The following TASP1 variants were observed in gnomAD, a reference collection of about 807,000 sequenced individuals.
TASP1 encodes taspase 1.
Under a neutral mutation model 56.6 loss-of-function variants are expected in TASP1, and 16 were observed. The observed-to-expected ratio is 0.28, with a 90% CI of 0.19 to 0.43. The LOEUF is 0.43. TASP1 is among the 20% of genes least tolerant of loss of function. The probability of loss-of-function intolerance (pLI) is 1.00; values close to 1 mark genes in which losing one functional copy is unlikely to be tolerated. For missense variants in TASP1, 393 were observed against 511.6 expected (o/e 0.77, Z 2.24); for synonymous variants, 179 against 184.2 (o/e 0.97, Z 0.23).
At chr20:13,164,794 T>G in the TASP1 span, 2 of 1,613,856 alleles carry the variant, frequency 1.2e-6, no homozygotes, top group Non-Finnish European at 1.7e-6. Flanking sequence ...CTCTTGCAAC[T>G]GAAATATTCC....
At chr20:13,214,180 G>A in the TASP1 span, among the ~76,000 whole-genome samples, 3 of 152,162 alleles carry the variant, frequency 2.0e-5, no homozygotes, top group African/African-American at 4.8e-5. Context: ...TGATGTAGGA[G>A]GATCTCCTTA....
At chr20:13,288,776 C>A in the TASP1 span, 5 of 1,298,050 alleles carry the variant, frequency 3.9e-6, no homozygotes, top group Non-Finnish European at 4.3e-6. Flanking sequence ...TTAAAAGATG[C>A]ACTACTTTTC....
the TASP1 span, among the ~76,000 whole-genome samples, chr20:13,308,772 A>G: frequency 6.6e-6 from 1 of 152,214 alleles, no homozygotes; most frequent in Non-Finnish European, 1.5e-5. Context: ...CCTAACCCCC[A>G]AAGTTATGAT....
the TASP1 span, among the ~76,000 whole-genome samples, chr20:13,107,870 T>C: frequency 1.3e-5 from 2 of 152,126 alleles, no homozygotes; most frequent in African/African-American, 4.8e-5. Flanking sequence ...TAAGGCTTTA[T>C]ATATTTGAAT....
At chr20:13,410,820 C>T (rs2327755) in intron 13 of TASP1, among the ~76,000 whole-genome samples, 15,837 of 152,030 alleles carry the variant, frequency 0.1, 1,642 homozygotes, top group African/African-American at 0.27. Flanking sequence ...TGAAGCAGCT[C>T]TTTAGTTTAA....
chr20:13,429,829 G>C (rs1163358911), intron 12 of TASP1, among the ~76,000 whole-genome samples: 1 of 152,264 alleles, frequency 6.6e-6, no homozygotes, highest in South Asian at 2.1e-4. Flanking sequence ...GTGTCCTTCT[G>C]ATCTTGGGAT....
At chr20:13,564,515 A>T (rs74637253) in intron 7 of TASP1, among the ~76,000 whole-genome samples, 3,111 of 152,032 alleles carry the variant, frequency 0.02, 108 homozygotes, top group African/African-American at 0.07. Context: ...ACTAAAAGCA[A>T]TCTACAGATT....
At chr20:13,293,560 C>T in the TASP1 span, among the ~76,000 whole-genome samples, 1 of 151,918 alleles carries the variant, frequency 6.6e-6, no homozygotes, top group South Asian at 2.1e-4. Context: ...AAAAATGTTC[C>T]TCAAATGCCT....
rs538220788 is a variant in TASP1 at position 13,394,387 on chromosome 20, G to A, written c.1171-3935C>T. Among the ~76,000 whole-genome samples the A allele has an allele frequency of 3.4e-3, 516 of 150,926 alleles. 5 individuals carry two copies. Among genetic ancestry groups the A allele is most frequent in the South Asian group, 0.019 (91 of 4,764 alleles). On this transcript the variant is annotated intron_variant, in intron 13 of 13. Coordinates refer to ENST00000337743, the MANE Select transcript of TASP1 (RefSeq NM_017714.3). Reference sequence around the variant, plus strand: ...GCACTTTGGGAGGCCAAGGCGGGCGGATCACGAGGTCAGGAGTTTGAGACC... The same window carrying A: ...GCACTTTGGGAGGCCAAGGCGGGCGAATCACGAGGTCAGGAGTTTGAGACC...
chr20:13,338,561 T>C, the TASP1 span, among the ~76,000 whole-genome samples: 1 of 152,190 alleles, frequency 6.6e-6, no homozygotes, highest in African/African-American at 2.4e-5. Flanking sequence ...ACATACAGTA[T>C]AATAAGTCCT....
chr20:13,583,140 T>A (rs894041358), intron 5 of TASP1, among the ~76,000 whole-genome samples: 1 of 152,306 alleles, frequency 6.6e-6, no homozygotes, highest in South Asian at 2.1e-4. Context: ...CTCAGCCCCA[T>A]AGGCACACAT....
chr20:13,263,093 C>T, the TASP1 span, among the ~76,000 whole-genome samples: 3 of 152,138 alleles, frequency 2.0e-5, no homozygotes, highest in African/African-American at 4.8e-5. Flanking sequence ...TACGTATGGC[C>T]GTTTCCCCTC....
the TASP1 span, among the ~76,000 whole-genome samples, chr20:13,197,868 T>C: frequency 3.5e-3 from 528 of 152,350 alleles, 4 homozygotes; most frequent in African/African-American, 0.012. Flanking sequence ...TTAACCTTTA[T>C]CTGTTTATGT....
intron 4 of TASP1, among the ~76,000 whole-genome samples, chr20:13,618,684 A>G (rs941650582): frequency 1.7e-4 from 26 of 152,328 alleles, no homozygotes; most frequent in African/African-American, 6.3e-4. Context: ...GCATTTGGAC[A>G]AGAAACGAGT....
At chr20:13,553,150 T>C (rs1238010420) in intron 8 of TASP1, among the ~76,000 whole-genome samples, 2 of 152,274 alleles carry the variant, frequency 1.3e-5, no homozygotes, top group South Asian at 4.1e-4. Flanking sequence ...TGCTATGTTA[T>C]CCAGGCTGGT....
At chr20:13,185,545 G>A in the TASP1 span, among the ~76,000 whole-genome samples, 1 of 152,034 alleles carries the variant, frequency 6.6e-6, no homozygotes, top group Admixed American at 6.6e-5. Context: ...TGGAATAATG[G>A]CAGAATTGTC....
chr20:13,247,026 A>C, the TASP1 span, among the ~76,000 whole-genome samples: 1 of 152,084 alleles, frequency 6.6e-6, no homozygotes, highest in Non-Finnish European at 1.5e-5. Context: ...ACCTGAGATC[A>C]GGAGTTAGAG....
the TASP1 span, among the ~76,000 whole-genome samples, chr20:13,169,720 G>A: frequency 6.6e-5 from 10 of 152,000 alleles, no homozygotes; most frequent in South Asian, 4.2e-4. Context: ...TTAAACATAC[G>A]TAAAATCGAA....
At chr20:13,442,315 C>A (rs2043245551) in intron 11 of TASP1, among the ~76,000 whole-genome samples, 1 of 150,792 alleles carries the variant, frequency 6.6e-6, no homozygotes, top group African/African-American at 2.5e-5. Flanking sequence ...CACACACACA[C>A]CACACACATA....
Sources: allele counts gnomAD v4.1 joint callset (sites outside exome capture counted in the v4.1 genomes callset), GRCh38; gene constraint gnomAD v4.1.1; transcripts MANE v1.5; gene names NCBI Gene and HGNC (gene_info 2026-07-23, HGNC 2026-07-21).